The following ATP1A4 variants were observed in gnomAD, a reference collection of about 807,000 sequenced individuals.
ATP1A4 encodes sodium/potassium-transporting ATPase subunit alpha-4.
A neutral mutation model predicts 114.3 loss-of-function variants in ATP1A4; 90 were observed. The observed-to-expected ratio is 0.79, with a 90% CI of 0.66 to 0.94. ATP1A4 has a LOEUF of 0.94. Ranked by LOEUF, ATP1A4 falls within the 40% of genes least tolerant of loss-of-function variation. ATP1A4 has a pLI of 0.00. For synonymous variants in ATP1A4, 511 were observed against 494.1 expected, an observed-to-expected ratio of 1.03 and a Z score of -0.45; for missense variants, 1,222 against 1,313.6, an observed-to-expected ratio of 0.93 and a Z score of 1.08.
At chr1:160,155,314 G>T in intron 3 of ATP1A4, 66 bp downstream of exon 3, 6 of 1,386,192 alleles carry the variant, frequency 4.3e-6, no homozygotes, top group Non-Finnish European at 6.0e-6. Context: ...CTTTTGCTCA[G>T]CAGCCTAGCA....
chr1:160,177,757 G>A, intron 18 of ATP1A4, 93 bp downstream of exon 18: 1 of 1,439,746 alleles, frequency 6.9e-7, no homozygotes, highest in East Asian at 2.3e-5. Context: ...AGAGAAGAAG[G>A]GAAGCACCAC....
Position 160,186,322 on chromosome 1 carries a change from G to C in ATP1A4, c.3016G>C (p.Val1006Leu), listed in dbSNP as rs373326298. Reference protein sequence around the residue: ...CAIPYSILIFVYDEIRKLLIR... With the variant: ...CAIPYSILIFLYDEIRKLLIR... ...CATTCCCTACAGTATTCTCATCTTC[G>C]TCTATGATGAAATCAGAAAACTCCT... The change falls in exon 21 of 22, where the codon GTC becomes CTC. Residue 1006 changes from valine (V) to leucine (L), a missense_variant. Physicochemically the swap from Val to Leu is conservative, Grantham distance 32. Transcript: ENST00000368081. 1.3e-5 allele frequency: 21 copies of C among 1,613,422 alleles called. No homozygotes were observed. In the African/African-American group the frequency reaches 2.7e-4, roughly 21 times the overall value.
At chr1:160,172,980 T>G (rs377665845) in intron 12 of ATP1A4, among the ~76,000 whole-genome samples, 2 of 152,212 alleles carry the variant, frequency 1.3e-5, no homozygotes, top group African/African-American at 4.8e-5. Context: ...GGAAGAGAGA[T>G]AAACAGGCAA....
chr1:160,176,040 G>A (rs1390655098), intron 15 of ATP1A4, 52 bp from the exon 16 acceptor site: 5 of 1,602,378 alleles, frequency 3.1e-6, no homozygotes, highest in Non-Finnish European at 4.3e-6. Context: ...GCTGGTTTGA[G>A]GGAGGCGTGT....
Position 160,174,170 on chromosome 1 carries a change from T to G in ATP1A4, c.2051T>G (p.Leu684Arg). The G allele has an allele frequency of 6.2e-7, 1 of 1,614,180 alleles. No individual in the cohort carries two copies. ...AELKDIQSKQ[L>R]DQILQNHPEI... ...CTGAAGGACATACAGTCCAAGCAGC[T>G]TGATCAGATCCTCCAGAACCACCCT... The change falls in exon 14 of 22, where the codon CTT (leucine) becomes CGT (arginine). Residue 684 changes from leucine to arginine, a missense_variant. Leu to Arg is a moderately radical substitution (Grantham distance 102). Transcript: ENST00000368081.
In ATP1A4 at chr1:160,152,056, A is replaced by C. The variant is rs756778817; in HGVS notation, c.16A>C (p.Lys6Gln). Reference protein sequence around the residue: MGLWGKKGTVAPHDQS... With the variant: MGLWGQKGTVAPHDQS... ...GGGGATAGCTATGGGGCTTTGGGGG[A>C]AGAAAGGGACAGTGGCTCCCCATGA... Residue 6 changes from lysine to glutamine, a missense_variant, in exon 1 of 22, where the codon AAG becomes CAG. Coordinates refer to ENST00000368081, the MANE Select transcript of ATP1A4 (RefSeq NM_144699.4). 2 of 1,613,224 alleles carry C rather than the reference A, an allele frequency of 1.2e-6. No homozygotes were observed. The highest frequency in any genetic ancestry group is 1.7e-6 in the Non-Finnish European group (2 of 1,179,674).
In ATP1A4 at chr1:160,153,071, G is replaced by A. The variant is rs980917991; in HGVS notation, c.148-94G>A. The A allele has an allele frequency of 2.1e-5, 22 of 1,027,762 alleles. No homozygotes were observed. The African/African-American group carries it at 3.2e-4, about 15-fold the overall frequency. 63.7% of individuals were successfully genotyped at this position (1,027,762 alleles called of 1,614,324 possible). Reference sequence around the variant, plus strand: ...GAGCTTACAAAATGGAGCAGTCTCAGTTTGGACTAACATTCTCCAGTCTGT... The same window carrying A: ...GAGCTTACAAAATGGAGCAGTCTCAATTTGGACTAACATTCTCCAGTCTGT... On this transcript the variant is annotated intron_variant, in intron 1 of 21. Coordinates refer to ENST00000368081, the MANE Select transcript of ATP1A4 (RefSeq NM_144699.4).
intron 20 of ATP1A4, among the ~76,000 whole-genome samples, 190 bp from the exon 21 acceptor site, chr1:160,186,086 C>CAAAGAAAAAA (rs1653878841): frequency 3.0e-5 from 1 of 32,790 alleles, no homozygotes; most frequent in African/African-American, 1.3e-4. Flanking sequence ...GACTCTGTCG[C>CAAAGAAAAAA]AAAAAAAAAA....
At chr1:160,173,436 T>C in intron 12 of ATP1A4, 145 bp from the exon 13 acceptor site, 1 of 1,140,318 alleles carries the variant, frequency 8.8e-7, no homozygotes, top group South Asian at 1.6e-5. Flanking sequence ...AGCATGGTTT[T>C]TGGTCTACAC....
chr1:160,156,474 G>A (rs535277013), intron 4 of ATP1A4, among the ~76,000 whole-genome samples: 3 of 151,302 alleles, frequency 2.0e-5, no homozygotes, highest in African/African-American at 7.3e-5. Context: ...TGGGAGCGGG[G>A]TGCGGTGGGG....
chr1:160,172,431 T>A (rs1402628868), intron 12 of ATP1A4, among the ~76,000 whole-genome samples: 3 of 152,090 alleles, frequency 2.0e-5, no homozygotes, highest in African/African-American at 7.2e-5. Context: ...GTCTAAAAAC[T>A]GGAAACCAAA....
Position 160,181,815 on chromosome 1 carries a change from G to A in ATP1A4, c.2867+1G>A, listed in dbSNP as rs1653717467. On this transcript the variant is annotated splice_donor_variant, in intron 19 of 21. Transcript: ENST00000368081. LOFTEE classifies it high-confidence loss of function. ...ACTCACTTTTCCAGCAGGGCATGAG[G>A]TGAACATCTCACAAAACAGCCCAGC... is the stretch of plus-strand genomic sequence containing the variant. The A allele has an allele frequency of 2.5e-6, 4 of 1,588,500 alleles. No individual in the cohort carries two copies. Among genetic ancestry groups the A allele is most frequent in the Non-Finnish European group, 3.4e-6 (4 of 1,172,066 alleles).
chr1:160,154,950 G>A lies in ATP1A4; in HGVS notation c.208-95G>A, dbSNP rs1571008665. The A allele has an allele frequency of 9.2e-6, 11 of 1,193,314 alleles. No individual in the cohort carries two copies. In the East Asian group the frequency reaches 2.6e-4, roughly 28 times the overall value. 73.9% of individuals were successfully genotyped at this position (1,193,314 alleles called of 1,614,324 possible). On this transcript the variant is annotated intron_variant, in intron 2 of 21. Transcript: ENST00000368081. ...CTTCTGAAAGCGTCTTTAGTCTCTA[G>A]ACCCATTCTGGGGCTCCAAATGTCA... is the stretch of plus-strand genomic sequence containing the variant.
chr1:160,171,124 A>G, intron 10 of ATP1A4, 127 bp from the exon 11 acceptor site: 3 of 800,084 alleles, frequency 3.7e-6, no homozygotes, highest in Non-Finnish European at 4.0e-6. Context: ...GTGACTGGGG[A>G]GGGGAGGGAA....
At chr1:160,160,403 G>C (rs1472024611) in intron 6 of ATP1A4, among the ~76,000 whole-genome samples, 4 of 152,082 alleles carry the variant, frequency 2.6e-5, no homozygotes, top group Non-Finnish European at 5.9e-5. Flanking sequence ...TTTTAGTAGA[G>C]ATGGGTTTTC....
rs573635729 is a variant in ATP1A4 at position 160,185,449 on chromosome 1, C to T, written c.2970-827C>T. Among the ~76,000 whole-genome samples the T allele has an allele frequency of 8.5e-5, 13 of 152,128 alleles. No individual in the cohort carries two copies. In the East Asian group the frequency reaches 2.5e-3, roughly 30 times the overall value. ...TATGTTTCTGTCTCGTGCCTCTCCT[C>T]TCCACTCCCGATCACTAATCCCACA... On this transcript the variant is annotated intron_variant, in intron 20 of 21. Coordinates refer to ENST00000368081, the MANE Select transcript of ATP1A4 (RefSeq NM_144699.4).
chr1:160,181,513 C>A (rs900170523), intron 18 of ATP1A4, among the ~76,000 whole-genome samples, 171 bp from the exon 19 acceptor site: 1 of 150,604 alleles, frequency 6.6e-6, no homozygotes, highest in Non-Finnish European at 1.5e-5. Context: ...AGAGACCACA[C>A]CATTGCACTC....
Position 160,151,723 on chromosome 1 carries a change from A to C in ATP1A4, c.-318A>C. On this transcript the variant is annotated 5_prime_UTR_variant, in exon 1 of 22. Transcript: ENST00000368081. Reference sequence around the variant, plus strand: ...GCTTCACCTCTTGTTTCCTGCCCTCACTGCATTCCCTCACCTCTACCTTTT... The same window carrying C: ...GCTTCACCTCTTGTTTCCTGCCCTCCCTGCATTCCCTCACCTCTACCTTTT... 1 of 240,104 alleles carries C rather than the reference A, an allele frequency of 4.2e-6. No individual in the cohort carries two copies. Among genetic ancestry groups the C allele is most frequent in the East Asian group, 7.7e-5 (1 of 13,044 alleles). The allele number at this position is 240,104 out of a possible 1,614,324, so 14.9% of individuals were successfully genotyped here. A position where few individuals can be genotyped will look rare whatever the true frequency, so the allele number is the denominator to read the frequency against.
At chr1:160,173,447 C>A in intron 12 of ATP1A4, 134 bp from the exon 13 acceptor site, 1 of 1,309,478 alleles carries the variant, frequency 7.6e-7, no homozygotes, top group Non-Finnish European at 1.1e-6. Flanking sequence ...TGGTCTACAC[C>A]ACAAGTTCTT....
Sources: gnomAD v4.1 joint callset for allele counts (sites outside exome capture counted in the v4.1 genomes callset) on GRCh38, gnomAD v4.1.1 for gene constraint, MANE v1.5 for transcripts, NCBI Gene and HGNC (gene_info 2026-07-23, HGNC 2026-07-21) for gene names.